The following SLC5A1 variants were observed in gnomAD, a reference collection of about 807,000 sequenced individuals.
The protein encoded by SLC5A1 is solute carrier family 5 member 1.
SLC5A1 carries 42 observed loss-of-function variants against 73.5 expected under a neutral mutation model. The ratio of observed to expected loss-of-function variants is 0.57; its 90% confidence interval spans 0.45 to 0.74. The LOEUF (loss-of-function observed/expected upper bound fraction) is 0.74, where lower values mean the gene tolerates loss of function less well. Among genes scored for constraint, SLC5A1 ranks in the 30% least tolerant of loss-of-function variants. The pLI is 0.00. For synonymous variants in SLC5A1, 300 were observed against 317.4 expected (o/e 0.95, Z 0.58); for missense variants, 634 against 855.4 (o/e 0.74, Z 3.23).
chr22:32,083,442 G>A (rs2094003149), intron 7 of SLC5A1, among the ~76,000 whole-genome samples: 1 of 152,194 alleles, frequency 6.6e-6, no homozygotes, highest in South Asian at 2.1e-4. Context: ...ATAACATGGT[G>A]TTCTGTTTGC....
chr22:32,076,142 G>A (rs1603122261), intron 5 of SLC5A1, among the ~76,000 whole-genome samples: 1 of 152,204 alleles, frequency 6.6e-6, no homozygotes, highest in East Asian at 1.9e-4. Context: ...GGGATCCAGT[G>A]GGGTTGTAAT....
At chr22:32,104,713 C>G (rs561553481) in intron 13 of SLC5A1, 73 bp from the exon 14 acceptor site, 1 of 1,163,228 alleles carries the variant, frequency 8.6e-7, no homozygotes, top group African/African-American at 1.5e-5. Context: ...ATGCATATCT[C>G]TTTGCCCCCC....
intron 12 of SLC5A1, 110 bp from the exon 13 acceptor site, chr22:32,101,912 C>T: frequency 2.4e-6 from 2 of 839,874 alleles, no homozygotes; most frequent in Admixed American, 2.0e-5. Context: ...GGAGCTACCA[C>T]TTCTCCTACC....
Position 32,081,883 on chromosome 22 carries a change from G to A in SLC5A1, c.495G>A (p.Gly165=). 1.2e-6 allele frequency: 2 copies of A among 1,612,980 alleles called. No individual in the cohort carries two copies. Among genetic ancestry groups the A allele is most frequent in the East Asian group, 2.2e-5 (1 of 44,862 alleles). ...CCTTCCAGGCAGACATCTTCTCGGG[G>A]GCCATATTCATCAATCTGGCCTTAG... ...FTKISADIFS[G]AIFINLALGL... is the part of the protein sequence containing the mutation. Residue 165 remains glycine (G), a synonymous_variant, in exon 6 of 15, where the codon GGG becomes GGA. Coordinates refer to ENST00000266088, the MANE Select transcript of SLC5A1 (RefSeq NM_000343.4).
chr22:32,053,748 A>C (rs775213570), intron 2 of SLC5A1, among the ~76,000 whole-genome samples: 10 of 152,264 alleles, frequency 6.6e-5, no homozygotes, highest in Non-Finnish European at 1.3e-4. Flanking sequence ...TGAAACTATC[A>C]GTTAAAATGA....
chr22:32,065,502 T>C (rs117390331), intron 2 of SLC5A1, among the ~76,000 whole-genome samples: 6,812 of 152,314 alleles, frequency 0.045, 207 homozygotes, highest in Non-Finnish European at 0.07. Context: ...CACTCTGTCA[T>C]ACCCTCTATT....
At chr22:32,088,019 G>T (rs1029419172) in intron 10 of SLC5A1, among the ~76,000 whole-genome samples, 2 of 152,264 alleles carry the variant, frequency 1.3e-5, no homozygotes, top group Admixed American at 1.3e-4. Context: ...CAAACCATTT[G>T]CATTCAAATT....
intron 5 of SLC5A1, among the ~76,000 whole-genome samples, chr22:32,069,212 TA>T (rs2093978963): frequency 6.6e-6 from 1 of 152,092 alleles, no homozygotes; most frequent in African/African-American, 2.4e-5. Flanking sequence ...TAGTGGAATC[TA>T]AAAAAGTTAA....
chr22:32,064,127 A>AAGCC (rs2093968332), intron 2 of SLC5A1, among the ~76,000 whole-genome samples: 1 of 152,206 alleles, frequency 6.6e-6, no homozygotes, highest in South Asian at 2.1e-4. Context: ...ATTATTTATC[A>AAGCC]AGCAAGAGGT....
intron 2 of SLC5A1, 30 bp from the exon 3 acceptor site, chr22:32,066,905 C>T: frequency 1.4e-6 from 2 of 1,480,102 alleles, no homozygotes; most frequent in South Asian, 2.3e-5. Flanking sequence ...GAGCACAGAG[C>T]CCTCACCTGA....
At position 32,109,988 on chromosome 22, in the gene SLC5A1, A is replaced by C; in HGVS notation, c.1772-2A>C. 2 of 1,613,862 alleles carry C rather than the reference A, an allele frequency of 1.2e-6. No individual in the cohort carries two copies. Among genetic ancestry groups the C allele is most frequent in the South Asian group, 2.2e-5 (2 of 91,070 alleles). On this transcript the variant is annotated splice_acceptor_variant, in intron 14 of 14. Transcript: ENST00000266088. LOFTEE classifies it high-confidence loss of function. ...CAATAATTCTTCTATGCCTTTGCCC[A>C]GAAACACAAGTTCCTGAGAAGAAAA...
intron 2 of SLC5A1, among the ~76,000 whole-genome samples, chr22:32,066,167 T>C (rs1459389878): frequency 2.0e-5 from 3 of 152,206 alleles, no homozygotes; most frequent in Admixed American, 6.5e-5. Flanking sequence ...TCCTTTCCCC[T>C]TCCAGTCTTC....
chr22:32,097,088 C>T (rs754309510), intron 11 of SLC5A1, among the ~76,000 whole-genome samples: 10 of 152,224 alleles, frequency 6.6e-5, no homozygotes, highest in Non-Finnish European at 1.2e-4. Flanking sequence ...TTTGTTGCCT[C>T]GTTAGGGATG....
chr22:32,093,100 T>G (rs907503388), intron 11 of SLC5A1, among the ~76,000 whole-genome samples: 2 of 152,200 alleles, frequency 1.3e-5, no homozygotes, highest in African/African-American at 2.4e-5. Flanking sequence ...TTGTCAAAGA[T>G]TAGTTGGCTC....
At chr22:32,048,460 T>C (rs1440306793) in intron 1 of SLC5A1, among the ~76,000 whole-genome samples, 1 of 152,212 alleles carries the variant, frequency 6.6e-6, no homozygotes, top group Non-Finnish European at 1.5e-5. Flanking sequence ...CCCTACTGCC[T>C]ATGCAATAAA....
In SLC5A1 at chr22:32,084,640, G is replaced by A. The variant is rs755654536; in HGVS notation, c.866G>A (p.Trp289Ter). 7.4e-6 allele frequency: 12 copies of A among 1,614,056 alleles called. No homozygotes were observed. The highest frequency in any genetic ancestry group is 1.0e-5 in the Non-Finnish European group (12 of 1,179,922). The change falls in exon 8 of 15, where the codon TGG (tryptophan) becomes TAG (stop). Residue 289 changes from tryptophan (W) to a stop codon, truncating the protein, a stop_gained. Transcript: ENST00000266088. LOFTEE classifies it high-confidence loss of function. ...TTTGGGATGTCCATCCTTACCTTGT[G>A]GTACTGGTGCACAGATCAGGTACCC... ...FIFGMSILTLWYWCTDQVIVQ... is the reference protein window; with the variant it reads ...FIFGMSILTL
At chr22:32,045,152 G>GCAC (rs2093935491) in intron 1 of SLC5A1, among the ~76,000 whole-genome samples, 1 of 152,120 alleles carries the variant, frequency 6.6e-6, no homozygotes, top group Non-Finnish European at 1.5e-5. Context: ...CCCCACCCCA[G>GCAC]CTTATAAGTG....
intron 5 of SLC5A1, among the ~76,000 whole-genome samples, chr22:32,079,772 G>A (rs905261195): frequency 1.1e-4 from 16 of 152,020 alleles, no homozygotes; most frequent in African/African-American, 3.9e-4. Context: ...ACTGTGTAGA[G>A]GCATGAGAGG....
chr22:32,107,869 A>G (rs1603147575), intron 14 of SLC5A1, among the ~76,000 whole-genome samples: 1 of 152,174 alleles, frequency 6.6e-6, no homozygotes, highest in East Asian at 1.9e-4. Flanking sequence ...AGAAACAGCA[A>G]CACAAGGAAG....
Sources: allele counts gnomAD v4.1 joint callset (sites outside exome capture counted in the v4.1 genomes callset), GRCh38; gene constraint gnomAD v4.1.1; transcripts MANE v1.5; gene names NCBI Gene and HGNC (gene_info 2026-07-23, HGNC 2026-07-21).